Variants in CACNG4 observed in about 807,000 individuals in gnomAD.
CACNG4 encodes calcium voltage-gated channel auxiliary subunit gamma 4.
CACNG4 carries 8 observed loss-of-function variants against 22.9 expected under a neutral mutation model. The ratio of observed to expected loss-of-function variants is 0.35; its 90% CI spans 0.21 to 0.63. The LOEUF is 0.63. Ranked by LOEUF, CACNG4 falls within the 30% of genes least tolerant of loss-of-function variation. The pLI, the probability that CACNG4 is intolerant of heterozygous loss-of-function variation, is 0.72. For synonymous variants in CACNG4, 188 were observed against 191.9 expected (o/e 0.98, Z 0.17); for missense variants, 357 against 455.4 (o/e 0.78, Z 1.97).
At chr17:67,010,157 G>T (rs2035460558) in intron 1 of CACNG4, among the ~76,000 whole-genome samples, 1 of 152,130 alleles carries the variant, frequency 6.6e-6, no homozygotes, top group South Asian at 2.1e-4. Context: ...TTGCTCCCCA[G>T]CCAAGCTCTG....
At chr17:67,024,411 C>T (rs1383331730) in intron 2 of CACNG4, among the ~76,000 whole-genome samples, 1 of 152,250 alleles carries the variant, frequency 6.6e-6, no homozygotes, top group Non-Finnish European at 1.5e-5. Flanking sequence ...CCCAGACCCA[C>T]CTAATGCCGA....
chr17:66,985,939 A>G (rs557073546), intron 1 of CACNG4, among the ~76,000 whole-genome samples: 1 of 150,654 alleles, frequency 6.6e-6, no homozygotes, highest in African/African-American at 2.5e-5. Flanking sequence ...TTTGTTTAAA[A>G]AAGGAAAAAA....
chr17:67,028,226 G>A (rs1235141818), intron 3 of CACNG4, among the ~76,000 whole-genome samples: 2 of 152,040 alleles, frequency 1.3e-5, no homozygotes, highest in East Asian at 1.9e-4. Flanking sequence ...GGACGTGGAC[G>A]GTGCAGAGAC....
chr17:67,030,675 C>G lies in CACNG4; in HGVS notation c.655C>G (p.Arg219Gly). The G allele has an allele frequency of 6.2e-7, 1 of 1,614,190 alleles. No individual in the cohort carries two copies. The highest frequency in any genetic ancestry group is 1.1e-5 in the South Asian group (1 of 91,084). ...KNKELRFKTK[R>G]EFLKASSSSP... ...TAAAGAGTTGAGGTTTAAGACCAAA[C>G]GGGAATTCCTTAAGGCGTCTTCCTC... Residue 219 changes from arginine (R) to glycine (G), a missense_variant, in exon 4 of 4, where the codon CGG becomes GGG. Coordinates refer to ENST00000262138, the MANE Select transcript of CACNG4 (RefSeq NM_014405.4). This position sits in a 1 kb window ranked among gnomAD's most constrained non-coding sequence, Gnocchi z 6.4.
chr17:66,998,148 C>T (rs528558943), intron 1 of CACNG4, among the ~76,000 whole-genome samples: 4 of 152,282 alleles, frequency 2.6e-5, no homozygotes, highest in South Asian at 2.1e-4. Flanking sequence ...CCATCTATGC[C>T]GCAAATGTTG....
Position 66,984,898 on chromosome 17 carries a change from A to C in CACNG4, c.220+19767A>C, listed in dbSNP as rs1189142787. Among the ~76,000 whole-genome samples, 1 of 152,132 alleles carries C rather than the reference A, an allele frequency of 6.6e-6. No individual in the cohort carries two copies. Among genetic ancestry groups the C allele is most frequent in the Non-Finnish European group, 1.5e-5 (1 of 68,020 alleles). Reference sequence around the variant, plus strand: ...TACCAGGCTGGGAGTCTGTGCTGACAACAAGCCCAGTGTCATTCTGCTCAC... The same window carrying C: ...TACCAGGCTGGGAGTCTGTGCTGACCACAAGCCCAGTGTCATTCTGCTCAC... On this transcript the variant is annotated intron_variant, in intron 1 of 3. Transcript: ENST00000262138. The surrounding 1 kb of genome is among the most constrained non-coding windows in gnomAD (Gnocchi z 4.0).
At chr17:66,992,956 C>T (rs1343777531) in intron 1 of CACNG4, among the ~76,000 whole-genome samples, 1 of 152,270 alleles carries the variant, frequency 6.6e-6, no homozygotes, top group African/African-American at 2.4e-5. Flanking sequence ...TCAGGAAGAT[C>T]GGGCCCCTCT....
chr17:66,981,419 GT>G (rs1436883377), intron 1 of CACNG4, among the ~76,000 whole-genome samples: 2 of 152,226 alleles, frequency 1.3e-5, no homozygotes, highest in South Asian at 2.1e-4. Context: ...CTTGCAAGCA[GT>G]TTTTTTGGGT....
chr17:66,982,126 G>C (rs1864283935), intron 1 of CACNG4, among the ~76,000 whole-genome samples: 2 of 152,212 alleles, frequency 1.3e-5, no homozygotes, highest in Admixed American at 1.3e-4. Context: ...AGAGTGAGCA[G>C]CAGCTAGATT....
intron 1 of CACNG4, among the ~76,000 whole-genome samples, chr17:66,992,107 G>A (rs1357694434): frequency 6.6e-6 from 1 of 151,760 alleles, no homozygotes; most frequent in Non-Finnish European, 1.5e-5. Context: ...CCCAGACTTT[G>A]GCTGAATGTG....
chr17:67,023,890 CA>C (rs1425266047), intron 2 of CACNG4, among the ~76,000 whole-genome samples: 2 of 152,074 alleles, frequency 1.3e-5, no homozygotes, highest in Non-Finnish European at 2.9e-5. Context: ...GCCCTTTTTC[CA>C]AATAAGATCA....
rs1467145218 is a variant in CACNG4 at position 67,031,218 on chromosome 17, C to T, written c.*214C>T. The T allele has an allele frequency of 6.5e-5, 42 of 647,552 alleles. No individual in the cohort carries two copies. The highest frequency in any genetic ancestry group is 1.1e-4 in the Non-Finnish European group (40 of 363,716). 40.1% of individuals were successfully genotyped at this position (647,552 alleles called of 1,614,324 possible). ...AAGAAGCTGAAGGCTGACTTTGTCCCCTCCCCGAAAAAGGGTGTTTTGATG... is the reference window on the plus strand; with the variant it reads ...AAGAAGCTGAAGGCTGACTTTGTCCTCTCCCCGAAAAAGGGTGTTTTGATG... On this transcript the variant is annotated 3_prime_UTR_variant, in exon 4 of 4. Coordinates refer to ENST00000262138, the MANE Select transcript of CACNG4 (RefSeq NM_014405.4). This position sits in a 1 kb window ranked among gnomAD's most constrained non-coding sequence, Gnocchi z 4.0.
intron 1 of CACNG4, among the ~76,000 whole-genome samples, chr17:66,980,641 G>A (rs79743916): frequency 6.4e-5 from 2 of 31,408 alleles, no homozygotes; most frequent in African/African-American, 4.8e-4. Context: ...TTTTTTTTTT[G>A]AGACTGAGTT....
rs79058190 is a variant in CACNG4 at position 66,992,086 on chromosome 17, C to T, written c.221-26103C>T. Among the ~76,000 whole-genome samples the T allele has an allele frequency of 8.1e-3, 1,221 of 151,216 alleles. 20 individuals carry two copies. The highest frequency in any genetic ancestry group is 0.028 in the African/African-American group (1,166 of 41,310). ...CTCCCTTCTCTGGACTCTTGGAGCA[C>T]GGGGTTTGTGCCCAGACTTTGGCTG... On this transcript the variant is annotated intron_variant, in intron 1 of 3. Coordinates refer to ENST00000262138, the MANE Select transcript of CACNG4 (RefSeq NM_014405.4).
chr17:66,966,814 CCCT>C (rs770632953), intron 1 of CACNG4, among the ~76,000 whole-genome samples: 3 of 152,174 alleles, frequency 2.0e-5, no homozygotes, highest in Non-Finnish European at 4.4e-5. Flanking sequence ...CATGATCACA[CCCT>C]CCTCTTTTCT....
At chr17:66,976,597 C>T (rs2035237930) in intron 1 of CACNG4, among the ~76,000 whole-genome samples, 1 of 151,346 alleles carries the variant, frequency 6.6e-6, no homozygotes, top group Non-Finnish European at 1.5e-5. Context: ...CTCCTTTCTC[C>T]TCCCCATCGT....
rs866277817 is a variant in CACNG4, at chr17:67,027,320, A to G, written c.445+2320A>G. ...AGAGGGACTTGGAGCCTGGACCCAG[A>G]GCCCTAGCCGAAGAAAATGAGTCCA... On this transcript the variant is annotated intron_variant, in intron 3 of 3. Transcript: ENST00000262138. The surrounding 1 kb of genome is among the most constrained non-coding windows in gnomAD (Gnocchi z 4.3). Among the ~76,000 whole-genome samples the G allele has an allele frequency of 3.3e-5, 5 of 152,340 alleles. No homozygotes were observed. Among genetic ancestry groups the G allele is most frequent in the African/African-American group, 1.2e-4 (5 of 41,584 alleles).
intron 1 of CACNG4, among the ~76,000 whole-genome samples, chr17:66,993,537 A>G (rs1256389430): frequency 6.6e-6 from 1 of 152,212 alleles, no homozygotes; most frequent in Non-Finnish European, 1.5e-5. Context: ...GGGCACTCCC[A>G]CGCCTGTTCT....
At chr17:66,987,689 T>G (rs538548403) in intron 1 of CACNG4, among the ~76,000 whole-genome samples, 50 of 152,218 alleles carry the variant, frequency 3.3e-4, no homozygotes, top group African/African-American at 1.2e-3. Context: ...CCAGAGGAGA[T>G]GCAGCAGCTG....
Sources: gnomAD v4.1 joint callset for allele counts (sites outside exome capture counted in the v4.1 genomes callset) on GRCh38, gnomAD v4.1.1 for gene constraint, Gnocchi (gnomAD v3.1) non-coding constraint, MANE v1.5 for transcripts, NCBI Gene and HGNC (gene_info 2026-07-23, HGNC 2026-07-21) for gene names.